Variants in ASIC5 observed in about 807,000 individuals in gnomAD.
ASIC5 encodes the protein acid sensing ion channel subunit family member 5.
A neutral mutation model predicts 51.2 loss-of-function variants in ASIC5; 52 were observed. The observed-to-expected ratio is 1.02, with a 90% CI of 0.81 to 1.28. The LOEUF is 1.28. ASIC5 is among the 50% of genes most tolerant of loss of function. The probability of loss-of-function intolerance (pLI) is 0.00; values close to 1 mark genes in which losing one functional copy is unlikely to be tolerated. For synonymous variants in ASIC5, 231 were observed against 200.7 expected, an observed-to-expected ratio of 1.15 and a Z score of -1.28; for missense variants, 635 against 595.0, an observed-to-expected ratio of 1.07 and a Z score of -0.70.
chr4:155,846,839 T>C (rs908407917), intron 4 of ASIC5, among the ~76,000 whole-genome samples: 17 of 151,974 alleles, frequency 1.1e-4, no homozygotes, highest in African/African-American at 3.1e-4. Flanking sequence ...ATATATATTA[T>C]AGAAAAACAT....
Position 155,830,014 on chromosome 4 carries a change from C to A in ASIC5, c.1360G>T (p.Gly454Trp). 1 of 1,574,460 alleles carries A rather than the reference C, an allele frequency of 6.4e-7. No individual in the cohort carries two copies. ...DLGGQLGLFC[G>W]ASLITIIEII... ...TCTATGATCGTGATCAGACTGGCCC[C>A]ACAAAATAGACCCAGCTGACCACCA... The change falls in exon 10 of 10, where the codon GGG becomes TGG. Residue 454 changes from glycine to tryptophan, a missense_variant. By Grantham distance (184) the Gly-to-Trp change is radical. Coordinates refer to ENST00000537611, the MANE Select transcript of ASIC5 (RefSeq NM_017419.3).
In ASIC5 at chr4:155,846,412, C is replaced by T. The variant is rs1741243077; in HGVS notation, c.712-2582G>A. 2.6e-5 allele frequency among the ~76,000 whole-genome samples: 4 copies of T among 152,078 alleles called. No individual in the cohort carries two copies. In the South Asian group the frequency reaches 8.3e-4, roughly 31 times the overall value. On this transcript the variant is annotated intron_variant, in intron 4 of 9. Coordinates refer to ENST00000537611, the MANE Select transcript of ASIC5 (RefSeq NM_017419.3). The stretch of plus-strand genomic sequence containing the variant: ...GATATTGGTTTAATGAAAATAGCTG[C>T]ATCTTAAATTTTCAAAATTACCATA...
At chr4:155,856,132 T>C (rs1442280905) in intron 2 of ASIC5, among the ~76,000 whole-genome samples, 1 of 152,134 alleles carries the variant, frequency 6.6e-6, no homozygotes, top group Non-Finnish European at 1.5e-5. Flanking sequence ...ATTCTTTCTA[T>C]AATCTCAAGA....
chr4:155,843,109 G>T lies in ASIC5; in HGVS notation c.861+572C>A, dbSNP rs187533056. Among the ~76,000 whole-genome samples, 9 of 152,232 alleles carry T rather than the reference G, an allele frequency of 5.9e-5. No individual in the cohort carries two copies. The East Asian group carries it at 1.7e-3, about 30-fold the overall frequency. On this transcript the variant is annotated intron_variant, in intron 5 of 9. Coordinates refer to ENST00000537611, the MANE Select transcript of ASIC5 (RefSeq NM_017419.3). The stretch of plus-strand genomic sequence containing the variant: ...AGCAGTCCAGTTTTTCAGCCTTCAG[G>T]CTGTTTTAGGTTTGAAGGCAGGGTT...
intron 4 of ASIC5, among the ~76,000 whole-genome samples, chr4:155,849,026 A>G (rs1741319520): frequency 6.6e-6 from 1 of 152,094 alleles, no homozygotes; most frequent in African/African-American, 2.4e-5. Context: ...CAATACAGTT[A>G]TTTGCATAAG....
intron 7 of ASIC5, 39 bp from the exon 8 acceptor site, chr4:155,836,896 A>G: frequency 6.9e-7 from 1 of 1,441,952 alleles, no homozygotes; most frequent in Non-Finnish European, 9.6e-7. Context: ...AGAGAAGAGA[A>G]ATATTTCATC....
Position 155,831,883 on chromosome 4 carries a change from C to T in ASIC5, c.1268G>A (p.Ser423Asn). 1 of 1,604,566 alleles carries T rather than the reference C, an allele frequency of 6.2e-7. No individual in the cohort carries two copies. Among genetic ancestry groups the T allele is most frequent in the Admixed American group, 1.7e-5 (1 of 59,580 alleles). Reference protein sequence around the residue: ...ENLVKIEINYSDLNYKITQQQ... With the variant: ...ENLVKIEINYNDLNYKITQQQ... ...CTGGGTTATCTTATAGTTTAGGTCA[C>T]TATAGTTAATTTCAATTTTTACAAG... Residue 423 changes from serine to asparagine, a missense_variant, in exon 9 of 10, where the codon AGT (serine) becomes AAT (asparagine). By Grantham distance (46) the Ser-to-Asn change is conservative. Transcript: ENST00000537611.
Position 155,836,819 on chromosome 4 carries a change from G to A in ASIC5, c.1105C>T (p.His369Tyr), listed in dbSNP as rs1388093914. The A allele has an allele frequency of 3.7e-6, 6 of 1,609,986 alleles. No homozygotes were observed. The highest frequency in any genetic ancestry group is 5.1e-6 in the Non-Finnish European group (6 of 1,176,752). ...CAAGAAACGGGGCAGCTAGAGTTAT[G>A]TGTTCCTACTGTACATAAATCCTTA... ...EFKDLCTVGT[H>Y]NSSCPVSCEE... Residue 369 changes from histidine to tyrosine, a missense_variant, in exon 8 of 10, where the codon CAT becomes TAT. His to Tyr is a moderately conservative substitution (Grantham distance 83, BLOSUM62 2). Coordinates refer to ENST00000537611, the MANE Select transcript of ASIC5 (RefSeq NM_017419.3).
intron 2 of ASIC5, among the ~76,000 whole-genome samples, chr4:155,862,313 A>T (rs1741730637): frequency 6.6e-6 from 1 of 152,114 alleles, no homozygotes; most frequent in African/African-American, 2.4e-5. Context: ...TCTATTATAT[A>T]TTGAACACCT....
At chr4:155,848,772 G>A (rs1849642) in intron 4 of ASIC5, among the ~76,000 whole-genome samples, 97,976 of 151,984 alleles carry the variant, frequency 0.64, 33,939 homozygotes, top group East Asian at 0.8. Context: ...CAGGACTCAT[G>A]GAGAGCTAAA....
At chr4:155,864,853 A>G (rs1340316637) in intron 1 of ASIC5, 2 of 152,104 alleles carry the variant, frequency 1.3e-5, no homozygotes. Context: ...AAAAGCTTTA[A>G]AAGTATCTTA....
Position 155,858,663 on chromosome 4 carries a change from C to T in ASIC5, c.348-4349G>A, listed in dbSNP as rs116496688. Reference sequence around the variant, plus strand: ...GAGACACAATATTTAAAGCGGAAAGCGTGGGCAGTAGGGGAAAAAGGAAAG... The same window carrying T: ...GAGACACAATATTTAAAGCGGAAAGTGTGGGCAGTAGGGGAAAAAGGAAAG... On this transcript the variant is annotated intron_variant, in intron 2 of 9. Transcript: ENST00000537611. Among the ~76,000 whole-genome samples, 244 of 151,854 alleles carry T rather than the reference C, an allele frequency of 1.6e-3. 1 individual carries two copies. The highest frequency in any genetic ancestry group is 4.6e-3 in the African/African-American group (189 of 41,434).
At chr4:155,852,063 A>G (rs551259489) in intron 4 of ASIC5, 128 bp downstream of exon 4, 11 of 1,116,456 alleles carry the variant, frequency 9.9e-6, no homozygotes, top group Middle Eastern at 4.1e-4. Flanking sequence ...AGGAGTCTAG[A>G]CTAAATTAAC....
chr4:155,855,291 A>G (rs941660392), intron 2 of ASIC5: 2 of 152,012 alleles, frequency 1.3e-5, no homozygotes, highest in Non-Finnish European at 2.9e-5. Context: ...TGTTTTTCTT[A>G]AAATTTTTAG....
rs186532690 is a variant in ASIC5, at chr4:155,836,694, G to A, written c.1230C>T (p.Tyr410=). The A allele has an allele frequency of 4.8e-4, 766 of 1,601,642 alleles. 8 individuals carry two copies. In the East Asian group the frequency reaches 0.016, roughly 34 times the overall value. ...LSKKLNQSRK[Y]IRENLVKIEI... ...TAAAAGGCTAGTAAGGTTACCTGAT[G>A]TATTTCCGGCTTTGATTCAACTTCT... The change falls in exon 8 of 10, where the codon TAC becomes TAT. Residue 410 remains tyrosine (Y), a synonymous_variant. Transcript: ENST00000537611.
chr4:155,865,194 T>A (rs1381104244), intron 1 of ASIC5: 1 of 152,030 alleles, frequency 6.6e-6, no homozygotes, highest in Non-Finnish European at 1.5e-5. Context: ...CTAAGCAGGA[T>A]AGCTTGTATT....
intron 4 of ASIC5, among the ~76,000 whole-genome samples, chr4:155,844,968 G>T (rs1376684295): frequency 1.3e-5 from 2 of 151,996 alleles, no homozygotes; most frequent in Admixed American, 6.6e-5. Flanking sequence ...TAACAGCCCT[G>T]AAAAGCTAAG....
intron 2 of ASIC5, among the ~76,000 whole-genome samples, chr4:155,862,541 C>T (rs1405009507): frequency 6.6e-6 from 1 of 152,126 alleles, no homozygotes; most frequent in African/African-American, 2.4e-5. Context: ...TGCTTCACCA[C>T]AGGCAATTAC....
chr4:155,853,979 A>T lies in ASIC5; in HGVS notation c.585+98T>A, dbSNP rs183801872. On this transcript the variant is annotated intron_variant, in intron 3 of 9. Transcript: ENST00000537611. Reference sequence around the variant, plus strand: ...AGAATCTGTAAGCAAATTTGGATTGATTCACCATGGGAGTAAATGCCGTGG... The same window carrying T: ...AGAATCTGTAAGCAAATTTGGATTGTTTCACCATGGGAGTAAATGCCGTGG... 7.7e-6 allele frequency: 7 copies of T among 914,198 alleles called. No homozygotes were observed. The Admixed American group carries it at 1.1e-4, about 15-fold the overall frequency. The allele number at this position is 914,198 out of a possible 1,614,324, so 56.6% of individuals were successfully genotyped here.
Sources: gnomAD v4.1 joint callset for allele counts (sites outside exome capture counted in the v4.1 genomes callset) on GRCh38, gnomAD v4.1.1 for gene constraint, MANE v1.5 for transcripts, NCBI Gene and HGNC (gene_info 2026-07-23, HGNC 2026-07-21) for gene names.